Variants in COP1 observed in about 807,000 individuals in gnomAD.
COP1 encodes COP1 E3 ubiquitin ligase, also known as E3 ubiquitin-protein ligase COP1.
A neutral mutation model predicts 101.3 loss-of-function variants in COP1; 24 were observed. The ratio of observed to expected loss-of-function variants is 0.24; its 90% CI spans 0.17 to 0.33. The LOEUF (loss-of-function observed/expected upper bound fraction) is 0.33, where lower values mean the gene tolerates loss of function less well. Among genes scored for constraint, COP1 ranks in the 10% least tolerant of loss-of-function variants. COP1 has a pLI of 1.00. For synonymous variants in COP1, 347 were observed against 341.9 expected (o/e 1.01, Z -0.17); for missense variants, 663 against 906.2 (o/e 0.73, Z 3.45).
intron 14 of COP1, among the ~76,000 whole-genome samples, chr1:176,028,160 A>G (rs990708888): frequency 2.0e-5 from 3 of 152,218 alleles, no homozygotes; most frequent in Non-Finnish European, 4.4e-5. Flanking sequence ...GGGGATTATC[A>G]TAATTCAAGG....
At chr1:176,178,930 T>C (rs1256394192) in intron 2 of COP1, among the ~76,000 whole-genome samples, 1 of 151,758 alleles carries the variant, frequency 6.6e-6, no homozygotes, top group Non-Finnish European at 1.5e-5. Context: ...ATCCTAGCAC[T>C]TTGGCAGGCC....
At chr1:176,135,411 T>C (rs1264876378) in intron 7 of COP1, among the ~76,000 whole-genome samples, 1 of 152,100 alleles carries the variant, frequency 6.6e-6, no homozygotes, top group Non-Finnish European at 1.5e-5. Context: ...TTATACTATG[T>C]GAATAGTGAA....
At chr1:176,020,675 C>CCAA (rs892226080) in intron 15 of COP1, among the ~76,000 whole-genome samples, 2 of 152,012 alleles carry the variant, frequency 1.3e-5, no homozygotes, top group East Asian at 3.9e-4. Context: ...AGACTCTGTC[C>CCAA]CAACAACAAC....
chr1:176,122,430 A>T (rs1435741387), intron 8 of COP1, among the ~76,000 whole-genome samples: 1 of 152,170 alleles, frequency 6.6e-6, no homozygotes, highest in Non-Finnish European at 1.5e-5. Context: ...AAAGATTTCC[A>T]AAAAAATTTT....
At chr1:176,039,599 T>C (rs1039626869) in intron 14 of COP1, among the ~76,000 whole-genome samples, 9 of 151,738 alleles carry the variant, frequency 5.9e-5, no homozygotes, top group Non-Finnish European at 1.2e-4. Context: ...AAAATTACCT[T>C]AAAATTCATA....
intron 18 of COP1, among the ~76,000 whole-genome samples, chr1:175,982,015 T>A (rs1655979299): frequency 1.3e-5 from 2 of 151,788 alleles, no homozygotes; most frequent in Non-Finnish European, 2.9e-5. Flanking sequence ...TAAAAAAAGA[T>A]GAAAGATAAC....
intron 18 of COP1, among the ~76,000 whole-genome samples, chr1:175,970,117 C>G (rs549832299): frequency 3.9e-5 from 6 of 152,186 alleles, no homozygotes; most frequent in African/African-American, 1.4e-4. Flanking sequence ...CAAGTTGAAG[C>G]AAGGAATGTA....
intron 11 of COP1, among the ~76,000 whole-genome samples, chr1:176,076,386 A>G (rs915761567): frequency 2.6e-5 from 4 of 152,236 alleles, no homozygotes; most frequent in African/African-American, 9.6e-5. Flanking sequence ...GGATGAACAA[A>G]GAAATTAAGG....
chr1:176,152,538 C>T (rs1192706894), intron 5 of COP1, among the ~76,000 whole-genome samples: 1 of 152,036 alleles, frequency 6.6e-6, no homozygotes, highest in East Asian at 1.9e-4. Context: ...GCCTCCGCTC[C>T]CCAAGGTGAA....
rs144423034 is a variant in COP1, at chr1:176,154,186, T to C, written c.763-5112A>G. Among the ~76,000 whole-genome samples, 954 of 152,316 alleles carry C rather than the reference T, an allele frequency of 6.3e-3. 10 individuals are homozygous for C. Among genetic ancestry groups the C allele is most frequent in the African/African-American group, 0.022 (903 of 41,560 alleles). ...AATGGTACCAGCTTTTCTTTGTATATCTGGCAGGGCTACTTATTACTGATT... is the reference window on the plus strand; with the variant it reads ...AATGGTACCAGCTTTTCTTTGTATACCTGGCAGGGCTACTTATTACTGATT... On this transcript the variant is annotated intron_variant, in intron 5 of 19. Coordinates refer to ENST00000367669, the MANE Select transcript of COP1 (RefSeq NM_022457.7).
intron 3 of COP1, among the ~76,000 whole-genome samples, chr1:176,171,915 T>C (rs1400113119): frequency 6.6e-6 from 1 of 152,236 alleles, no homozygotes; most frequent in East Asian, 1.9e-4. Flanking sequence ...CTTACTTATA[T>C]ATTTTTAAAT....
chr1:176,170,548 G>A (rs530557142), intron 3 of COP1, among the ~76,000 whole-genome samples: 186 of 152,244 alleles, frequency 1.2e-3, no homozygotes, highest in Non-Finnish European at 2.1e-3. Flanking sequence ...TTTTTTCTAA[G>A]CAGTAGGTCT....
intron 18 of COP1, among the ~76,000 whole-genome samples, chr1:175,971,899 G>A (rs1458146848): frequency 6.6e-6 from 1 of 152,078 alleles, no homozygotes; most frequent in Non-Finnish European, 1.5e-5. Context: ...AGACCATAGA[G>A]AGCCTCCTGA....
At chr1:175,952,988 C>A (rs1650139326) in intron 18 of COP1, among the ~76,000 whole-genome samples, 1 of 152,104 alleles carries the variant, frequency 6.6e-6, no homozygotes, top group African/African-American at 2.4e-5. Flanking sequence ...TATTTGATTT[C>A]TTGTTTTTAA....
At chr1:176,024,556 G>A (rs530873584) in intron 15 of COP1, among the ~76,000 whole-genome samples, 2 of 152,198 alleles carry the variant, frequency 1.3e-5, no homozygotes, top group South Asian at 4.1e-4. Flanking sequence ...AGGACTAAAC[G>A]CTCTTCACGT....
intron 6 of COP1, among the ~76,000 whole-genome samples, chr1:176,138,585 A>C (rs1690162925): frequency 6.6e-6 from 1 of 152,166 alleles, no homozygotes; most frequent in Non-Finnish European, 1.5e-5. Flanking sequence ...GATACTGCTC[A>C]ATTGATAAAG....
At chr1:176,173,153 T>C (rs754437286) in intron 3 of COP1, among the ~76,000 whole-genome samples, 5 of 151,186 alleles carry the variant, frequency 3.3e-5, no homozygotes, top group African/African-American at 7.3e-5. Context: ...CTACTAAAAA[T>C]ACAAAAAATT....
intron 3 of COP1, among the ~76,000 whole-genome samples, chr1:176,169,417 C>CA (rs1180652687): frequency 3.3e-5 from 5 of 151,770 alleles, no homozygotes; most frequent in Admixed American, 1.3e-4. Context: ...AAATTAAGTT[C>CA]AAAAAAAACT....
At chr1:176,133,299 T>G (rs771436746) in intron 8 of COP1, among the ~76,000 whole-genome samples, 9 of 151,504 alleles carry the variant, frequency 5.9e-5, no homozygotes, top group Admixed American at 1.3e-4. Flanking sequence ...CATATATATG[T>G]GAAAAACCAA....
Sources: allele counts gnomAD v4.1 joint callset (sites outside exome capture counted in the v4.1 genomes callset), GRCh38; gene constraint gnomAD v4.1.1; transcripts MANE v1.5; gene names NCBI Gene and HGNC (gene_info 2026-07-23, HGNC 2026-07-21).